Variants in MKNK1 observed in about 807,000 individuals in gnomAD.
MKNK1 encodes MAP kinase-interacting serine/threonine-protein kinase 1.
MKNK1 carries 30 observed loss-of-function variants against 49.3 expected under a neutral mutation model. The ratio of observed to expected loss-of-function variants is 0.61; its 90% CI spans 0.46 to 0.83. MKNK1 has a LOEUF of 0.83. MKNK1 is among the 40% of genes least tolerant of loss of function. The pLI is 0.00. For missense variants in MKNK1, 423 were observed against 524.7 expected (o/e 0.81, Z 1.89); for synonymous variants, 176 against 201.7 (o/e 0.87, Z 1.08).
chr1:46,573,236 C>A (rs566541302), intron 6 of MKNK1, among the ~76,000 whole-genome samples: 1 of 152,230 alleles, frequency 6.6e-6, no homozygotes, highest in South Asian at 2.1e-4. Context: ...AGACATCCCC[C>A]AGCAGGACTT....
chr1:46,569,345 C>T (rs1570110943), intron 7 of MKNK1: 1 of 152,250 alleles, frequency 6.6e-6, no homozygotes, highest in Non-Finnish European at 1.5e-5. Flanking sequence ...GAAGGCACCT[C>T]GGGGAGAGCC....
intron 1 of MKNK1, among the ~76,000 whole-genome samples, chr1:46,597,167 G>C (rs1239702389): frequency 6.6e-6 from 1 of 152,076 alleles, no homozygotes; most frequent in Non-Finnish European, 1.5e-5. Context: ...CCATCGGCCT[G>C]CAGCTGGGTC....
intron 2 of MKNK1, among the ~76,000 whole-genome samples, chr1:46,591,626 GC>G (rs1233845775): frequency 6.6e-6 from 1 of 152,090 alleles, no homozygotes; most frequent in Non-Finnish European, 1.5e-5. Context: ...TGCGCTCAAG[GC>G]CCCCAAGCAC....
chr1:46,580,840 AT>A (rs1671623873), intron 3 of MKNK1, among the ~76,000 whole-genome samples: 1 of 152,210 alleles, frequency 6.6e-6, no homozygotes, highest in Admixed American at 6.5e-5. Flanking sequence ...CCTGTTCCTC[AT>A]TTTAGCGATG....
intron 4 of MKNK1, 21 bp downstream of exon 4, chr1:46,580,509 G>A: frequency 2.6e-6 from 4 of 1,536,828 alleles, no homozygotes; most frequent in Non-Finnish European, 3.6e-6. Context: ...GTAAAGCCTG[G>A]CATTCAGCTG....
chr1:46,590,498 C>A (rs1241687531), intron 2 of MKNK1, among the ~76,000 whole-genome samples: 1 of 152,198 alleles, frequency 6.6e-6, no homozygotes, highest in Non-Finnish European at 1.5e-5. Flanking sequence ...CCAGATTTTA[C>A]AGATGAAGAA....
At chr1:46,564,803 C>T (rs201026438) in intron 9 of MKNK1, among the ~76,000 whole-genome samples, 1 of 152,100 alleles carries the variant, frequency 6.6e-6, no homozygotes, top group African/African-American at 2.4e-5. Flanking sequence ...TAATTTGTCT[C>T]TTCATCAGCA....
At chr1:46,598,909 C>G (rs1004026282) in intron 1 of MKNK1, among the ~76,000 whole-genome samples, 4 of 152,156 alleles carry the variant, frequency 2.6e-5, no homozygotes, top group Non-Finnish European at 5.9e-5. Context: ...GAGTTGAGGC[C>G]TCAGAAGTGA....
intron 1 of MKNK1, among the ~76,000 whole-genome samples, chr1:46,598,459 A>C (rs1343660478): frequency 6.6e-6 from 1 of 152,200 alleles, no homozygotes; most frequent in African/African-American, 2.4e-5. Flanking sequence ...ATGGAAAGAA[A>C]GAGAAGGTAA....
At position 46,589,196 on chromosome 1, in the gene MKNK1, A is replaced by C. The variant is rs1222784018; in HGVS notation, c.-3+4917T>G. The stretch of plus-strand genomic sequence containing the variant: ...ACGCTTAAAACAATTTCAACATAGT[A>C]GGACAAGTGCTGGGACAGGGAGGTA... On this transcript the variant is annotated intron_variant, in intron 2 of 12. Coordinates refer to ENST00000371945, the MANE Select transcript of MKNK1 (RefSeq NM_001135553.4). This position sits in a 1 kb window ranked among gnomAD's most constrained non-coding sequence, Gnocchi z 4.3. Among the ~76,000 whole-genome samples the C allele has an allele frequency of 6.6e-6, 1 of 152,250 alleles. No homozygotes were observed. The highest frequency in any genetic ancestry group is 1.5e-5 in the Non-Finnish European group (1 of 68,044).
intron 7 of MKNK1, among the ~76,000 whole-genome samples, chr1:46,571,828 C>T (rs1670204168): frequency 6.6e-6 from 1 of 152,216 alleles, no homozygotes; most frequent in Admixed American, 6.5e-5. Flanking sequence ...TGCTCTTTCT[C>T]CTGTATCCCT....
In MKNK1 at chr1:46,557,737, C is replaced by G. The variant is rs1480215727; in HGVS notation, c.*838G>C. 6.6e-6 allele frequency: 1 copy of G among 152,344 alleles called. No homozygotes were observed. Among genetic ancestry groups the G allele is most frequent in the Non-Finnish European group, 1.5e-5 (1 of 68,040 alleles). 9.4% of individuals were successfully genotyped at this position (152,344 alleles called of 1,614,324 possible). A position where few individuals can be genotyped will look rare whatever the true frequency, so the allele number is the denominator to read the frequency against. On this transcript the variant is annotated 3_prime_UTR_variant, in exon 13 of 13. Transcript: ENST00000371945. ...GTTCATCACAGGAACAGCTTAAAAT[C>G]AGAATAATAGGGAACTGCTGATTAA...
In MKNK1 at chr1:46,561,466, G is replaced by C. The variant is rs1456327712; in HGVS notation, c.969+12C>G. The C allele has an allele frequency of 3.8e-6, 6 of 1,599,608 alleles. No homozygotes were observed. Among genetic ancestry groups the C allele is most frequent in the Non-Finnish European group, 5.1e-6 (6 of 1,171,034 alleles). On this transcript the variant is annotated intron_variant, in intron 11 of 12. Coordinates refer to ENST00000371945, the MANE Select transcript of MKNK1 (RefSeq NM_001135553.4). ...GAAGTGGTGGAAAACACCCCTCCCT[G>C]GAGTCACTCACCCCCTGCACCCATG...
At position 46,589,338 on chromosome 1, in the gene MKNK1, T is replaced by C. The variant is rs1488392367; in HGVS notation, c.-3+4775A>G. Reference sequence around the variant, plus strand: ...GACAGGGCTGAGGCCTGGAAGAGAGTGTCCCAGACCAAGGAAGGGCACAGG... The same window carrying C: ...GACAGGGCTGAGGCCTGGAAGAGAGCGTCCCAGACCAAGGAAGGGCACAGG... On this transcript the variant is annotated intron_variant, in intron 2 of 12. Transcript: ENST00000371945. The surrounding 1 kb of genome is among the most constrained non-coding windows in gnomAD (Gnocchi z 4.3). Among the ~76,000 whole-genome samples, 3 of 151,446 alleles carry C rather than the reference T, an allele frequency of 2.0e-5. No individual in the cohort carries two copies. The highest frequency in any genetic ancestry group is 7.3e-5 in the African/African-American group (3 of 41,166).
intron 9 of MKNK1, 169 bp from the exon 10 acceptor site, chr1:46,563,012 A>G (rs1025918454): frequency 1.7e-6 from 1 of 573,388 alleles, no homozygotes; most frequent in Admixed American, 3.6e-5. Flanking sequence ...CCACCAAGGC[A>G]TCTGCAGACT....
chr1:46,564,044 C>CAAAAAAAAAAAAAAAAAAAAAAAAAA lies in MKNK1; in HGVS notation c.609+996_609+997insTTTTTTTTTTTTTTTTTTTTTTTTTT, dbSNP rs1217205121. On this transcript the variant is annotated intron_variant, in intron 9 of 12. Transcript: ENST00000371945. ...TGGGCAACAGAGCAAGACTCTGTCTCAAAAAAAAAAAAAAAAAAAAAGGGT... is the reference window on the plus strand; with the variant it reads ...TGGGCAACAGAGCAAGACTCTGTCTCAAAAAAAAAAAAAAAAAAAAAAAAAAAAAAAAAAAAAAAAAAAAAAAGGGT... Among the ~76,000 whole-genome samples, 12 of 39,082 alleles carry CAAAAAAAAAAAAAAAAAAAAAAAAAA rather than the reference C, an allele frequency of 3.1e-4. 2 individuals carry two copies. Among genetic ancestry groups the CAAAAAAAAAAAAAAAAAAAAAAAAAA allele is most frequent in the Non-Finnish European group, 3.4e-4 (8 of 23,688 alleles). The allele number at this position is 39,082 out of a possible 152,430, so 25.6% of individuals were successfully genotyped here. A position where few individuals can be genotyped will look rare whatever the true frequency, so the allele number is the denominator to read the frequency against.
chr1:46,562,676 G>T lies in MKNK1; in HGVS notation c.777C>A (p.Asp259Glu). 6.4e-7 allele frequency: 1 copy of T among 1,559,964 alleles called. No homozygotes were observed. Among genetic ancestry groups the T allele is most frequent in the Admixed American group, 1.9e-5 (1 of 51,938 alleles). Residue 259 changes from aspartate to glutamate, a missense_variant, in exon 10 of 13, where the codon GAC becomes GAA. Transcript: ENST00000371945. ...VGHCGADCGW[D>E]RGEVCRVCQN... Reference sequence around the variant, plus strand: ...GGCACACCCTGCAGACCTCGCCCCGGTCCCAGCCACAGTCGGCCCCGCAGT... The same window carrying T: ...GGCACACCCTGCAGACCTCGCCCCGTTCCCAGCCACAGTCGGCCCCGCAGT...
chr1:46,596,091 C>T (rs575020028), intron 1 of MKNK1, among the ~76,000 whole-genome samples: 3 of 152,274 alleles, frequency 2.0e-5, no homozygotes, highest in Non-Finnish European at 4.4e-5. Context: ...GGTTTAGACC[C>T]CCACCTGGTC....
rs777962428 is a variant in MKNK1 at position 46,558,630 on chromosome 1, C to T, written c.1184G>A (p.Arg395Gln). 8.7e-6 allele frequency: 14 copies of T among 1,614,012 alleles called. No homozygotes were observed. Among genetic ancestry groups the T allele is most frequent in the South Asian group, 2.2e-5 (2 of 91,048 alleles). Residue 395 changes from arginine (R) to glutamine (Q), a missense_variant, in exon 13 of 13, where the codon CGG becomes CAG. Transcript: ENST00000371945. Reference protein sequence around the residue: ...PPCKSRLARRRALAQAGRGED... With the variant: ...PPCKSRLARRQALAQAGRGED... ...ACCACGGCCTGCCTGGGCCAGGGCC[C>T]GTCTCCGGGCCAGGCGTGACTTGCA...
Sources: allele counts gnomAD v4.1 joint callset (sites outside exome capture counted in the v4.1 genomes callset), GRCh38; gene constraint gnomAD v4.1.1; non-coding constraint Gnocchi (gnomAD v3.1); transcripts MANE v1.5; gene names NCBI Gene and HGNC (gene_info 2026-07-23, HGNC 2026-07-21).